ACTG2: variants seen among roughly 807,000 people sequenced by gnomAD.
ACTG2 encodes actin gamma 2, smooth muscle, also known as actin, gamma-enteric smooth muscle.
ACTG2 carries 16 observed loss-of-function variants against 37.6 expected under a neutral mutation model. The ratio of observed to expected loss-of-function variants is 0.43; its 90% CI spans 0.29 to 0.65. ACTG2 has a LOEUF of 0.65. ACTG2 is among the 30% of genes least tolerant of loss of function. ACTG2 has a pLI of 0.18. For synonymous variants in ACTG2, 181 were observed against 179.9 expected (o/e 1.01, Z -0.05); for missense variants, 238 against 490.9 (o/e 0.48, Z 4.87).
chr2:73,904,138 A>C lies in ACTG2; in HGVS notation c.255+1650A>C, dbSNP rs561876676. On this transcript the variant is annotated intron_variant, in intron 3 of 8. Transcript: ENST00000345517. Reference sequence around the variant, plus strand: ...GTAACACATGACTGCGGTCTCAGCTATTCAGGAGGCTGAGGCATGAGAATC... The same window carrying C: ...GTAACACATGACTGCGGTCTCAGCTCTTCAGGAGGCTGAGGCATGAGAATC... Among the ~76,000 whole-genome samples the C allele has an allele frequency of 2.7e-5, 4 of 149,438 alleles. No individual in the cohort carries two copies. In the South Asian group the frequency reaches 8.6e-4, roughly 32 times the overall value.
chr2:73,913,470 CCT>C lies in ACTG2; in HGVS notation c.452-10_452-9del, dbSNP rs757684025. ...AGAATGAGAATTTTATAAGCCTGAT[CCT>C]CTCTGTCCACAGGCATCGTCCTGGA... is the stretch of plus-strand genomic sequence containing the variant. On this transcript the variant is annotated splice_polypyrimidine_tract_variant and intron_variant, in intron 5 of 8. Transcript: ENST00000345517. 5 of 1,576,482 alleles carry C rather than the reference CCT, an allele frequency of 3.2e-6. No homozygotes were observed. Among genetic ancestry groups the C allele is most frequent in the Non-Finnish European group, 3.5e-6 (4 of 1,154,680 alleles).
At chr2:73,907,536 C>A (rs1332338312) in intron 3 of ACTG2, among the ~76,000 whole-genome samples, 1 of 152,140 alleles carries the variant, frequency 6.6e-6, no homozygotes, top group African/African-American at 2.4e-5. Flanking sequence ...GGCTGGAGTG[C>A]AGTGCCATGA....
At chr2:73,895,383 A>C (rs1050339681) in intron 1 of ACTG2, among the ~76,000 whole-genome samples, 1 of 152,218 alleles carries the variant, frequency 6.6e-6, no homozygotes, top group Admixed American at 6.5e-5. Flanking sequence ...ACTCATGTAT[A>C]TATAGAACCT....
chr2:73,899,300 GA>G (rs1208517331), intron 1 of ACTG2, among the ~76,000 whole-genome samples: 1 of 152,104 alleles, frequency 6.6e-6, no homozygotes. Context: ...TGTTTCTACA[GA>G]AAAAAATTTT....
chr2:73,894,792 T>A (rs1679707714), intron 1 of ACTG2, among the ~76,000 whole-genome samples: 1 of 152,168 alleles, frequency 6.6e-6, no homozygotes, highest in Admixed American at 6.5e-5. Context: ...TCAATTCCAC[T>A]GAATTTAGAT....
At chr2:73,899,191 G>A (rs1339879068) in intron 1 of ACTG2, among the ~76,000 whole-genome samples, 1 of 152,158 alleles carries the variant, frequency 6.6e-6, no homozygotes, top group Non-Finnish European at 1.5e-5. Context: ...TTGGCTGTGT[G>A]TGGTGGGTCA....
chr2:73,908,824 A>C, intron 4 of ACTG2, 41 bp downstream of exon 4: 1 of 1,513,704 alleles, frequency 6.6e-7, no homozygotes. Context: ...ATAAGAATGC[A>C]ACATGGATGC....
At chr2:73,909,506 A>G (rs1263970436) in intron 5 of ACTG2, among the ~76,000 whole-genome samples, 1 of 152,178 alleles carries the variant, frequency 6.6e-6, no homozygotes, top group Non-Finnish European at 1.5e-5. Context: ...GTTCCGAGAA[A>G]TGTGTGTCAT....
rs138198356 is a variant in ACTG2, at chr2:73,917,553, G to C, written c.987+788G>C. 1.3e-3 allele frequency among the ~76,000 whole-genome samples: 192 copies of C among 152,320 alleles called. 1 individual carries two copies. Among genetic ancestry groups the C allele is most frequent in the African/African-American group, 4.5e-3 (188 of 41,572 alleles). On this transcript the variant is annotated intron_variant, in intron 8 of 8. Coordinates refer to ENST00000345517, the MANE Select transcript of ACTG2 (RefSeq NM_001615.4). ...ATTTTTAGCTCCTTCTAGGAACTTTGCTGCTAACAGCTTTAGAGAAAGAGT... is the reference window on the plus strand; with the variant it reads ...ATTTTTAGCTCCTTCTAGGAACTTTCCTGCTAACAGCTTTAGAGAAAGAGT...
intron 6 of ACTG2, 108 bp downstream of exon 6, chr2:73,913,754 T>C (rs1680194982): frequency 1.9e-6 from 2 of 1,053,546 alleles, no homozygotes; most frequent in Admixed American, 2.2e-5. Context: ...CTTTAAACTC[T>C]CCTGAGATAG....
At chr2:73,915,157 A>G (rs1470327983) in intron 7 of ACTG2, among the ~76,000 whole-genome samples, 2 of 152,182 alleles carry the variant, frequency 1.3e-5, no homozygotes, top group Non-Finnish European at 2.9e-5. Context: ...GCAGCAATGT[A>G]GCAAGGTCAG....
chr2:73,893,331 C>T (rs1208382135), intron 1 of ACTG2, among the ~76,000 whole-genome samples: 2 of 151,538 alleles, frequency 1.3e-5, no homozygotes, highest in Non-Finnish European at 2.9e-5. Flanking sequence ...ACTAGCCCTG[C>T]TCCCCAGGGC....
In ACTG2 at chr2:73,904,668, T is replaced by TAA. The variant is rs963400116; in HGVS notation, c.255+2184_255+2185dup. Among the ~76,000 whole-genome samples the TAA allele has an allele frequency of 6.7e-5, 10 of 148,544 alleles. 1 individual carries two copies. The highest frequency in any genetic ancestry group is 8.9e-5 in the Non-Finnish European group (6 of 67,576). ...GTGAGACCCTATATATATTTTTTTT[T>TAA]AAAAATGTATATATGTATAAATATA... On this transcript the variant is annotated intron_variant, in intron 3 of 8. Coordinates refer to ENST00000345517, the MANE Select transcript of ACTG2 (RefSeq NM_001615.4).
At chr2:73,906,483 A>AATAAATAC (rs142230122) in intron 3 of ACTG2, among the ~76,000 whole-genome samples, 64,538 of 149,618 alleles carry the variant, frequency 0.43, 15,377 homozygotes, top group Admixed American at 0.59. Flanking sequence ...TAAATAAATA[A>AATAAATAC]ATACATAAAA....
At chr2:73,916,855 T>G in intron 8 of ACTG2, 90 bp downstream of exon 8, 1 of 1,440,762 alleles carries the variant, frequency 6.9e-7, no homozygotes, top group East Asian at 2.3e-5. Context: ...CCAGACCTGA[T>G]AACTTGCTGG....
At chr2:73,901,084 G>A (rs1679861271) in intron 1 of ACTG2, among the ~76,000 whole-genome samples, 192 bp from the exon 2 acceptor site, 1 of 152,070 alleles carries the variant, frequency 6.6e-6, no homozygotes, top group Admixed American at 6.6e-5. Flanking sequence ...ATGAATTTTT[G>A]GGGGGACACA....
At chr2:73,907,645 C>T (rs1371439048) in intron 3 of ACTG2, among the ~76,000 whole-genome samples, 1 of 152,140 alleles carries the variant, frequency 6.6e-6, no homozygotes, top group Non-Finnish European at 1.5e-5. Context: ...CCATGCCTGG[C>T]TAATTTTTTA....
chr2:73,916,502 C>T (rs1057484037), intron 7 of ACTG2, 82 bp from the exon 8 acceptor site: 7 of 1,307,362 alleles, frequency 5.4e-6, no homozygotes, highest in East Asian at 2.5e-5. Context: ...TTGCAACAAT[C>T]GAAGAAGGGT....
intron 5 of ACTG2, among the ~76,000 whole-genome samples, chr2:73,913,170 CA>C (rs58764001): frequency 0.014 from 1,463 of 102,456 alleles, 22 homozygotes; most frequent in African/African-American, 0.032. Flanking sequence ...ACTCTGTCTC[CA>C]AAAAAAAAAA....
Sources: gnomAD v4.1 joint callset for allele counts (sites outside exome capture counted in the v4.1 genomes callset) on GRCh38, gnomAD v4.1.1 for gene constraint, MANE v1.5 for transcripts, NCBI Gene and HGNC (gene_info 2026-07-23, HGNC 2026-07-21) for gene names.